The following TENM2 variants were observed in gnomAD, a reference collection of about 807,000 sequenced individuals.
TENM2 encodes the protein teneurin transmembrane protein 2.
Under a neutral mutation model 245.2 loss-of-function variants are expected in TENM2, and 52 were observed. The observed-to-expected ratio is 0.21, with a 90% CI of 0.17 to 0.27. The LOEUF (loss-of-function observed/expected upper bound fraction) is 0.27. Ranked by LOEUF, TENM2 falls within the 10% of genes least tolerant of loss-of-function variation. The probability of loss-of-function intolerance (pLI) is 1.00; values close to 1 mark genes in which losing one functional copy is unlikely to be tolerated. For synonymous variants in TENM2, 1,363 were observed against 1,438.9 expected (o/e 0.95, Z 1.19); for missense variants, 3,046 against 3,666.8 (o/e 0.83, Z 4.37).
chr5:168,140,053 C>T (rs1755402394), intron 12 of TENM2, among the ~76,000 whole-genome samples: 1 of 152,230 alleles, frequency 6.6e-6, no homozygotes, highest in Non-Finnish European at 1.5e-5. Flanking sequence ...GAGGAAGCAT[C>T]ATTTGCCTGG....
intron 8 of TENM2, among the ~76,000 whole-genome samples, chr5:168,092,266 A>T (rs944376010): frequency 1.3e-5 from 2 of 152,216 alleles, no homozygotes; most frequent in South Asian, 2.1e-4. Context: ...CTGCTAAGCA[A>T]AGACTGACCC....
At chr5:167,441,795 A>C (rs74608295) in intron 2 of TENM2, among the ~76,000 whole-genome samples, 14 of 152,296 alleles carry the variant, frequency 9.2e-5, no homozygotes, top group Non-Finnish European at 1.6e-4. Flanking sequence ...AAATGAGTTT[A>C]TGTGCTTCTC....
the TENM2 span, among the ~76,000 whole-genome samples, chr5:167,064,488 A>C: frequency 6.6e-6 from 1 of 152,206 alleles, no homozygotes; most frequent in African/African-American, 2.4e-5. Flanking sequence ...ATCTTTACTT[A>C]AAAATGGAGT....
the TENM2 span, among the ~76,000 whole-genome samples, chr5:166,987,455 A>G: frequency 6.7e-6 from 1 of 149,210 alleles, no homozygotes; most frequent in African/African-American, 2.5e-5. Context: ...GTGTGTGTTT[A>G]GAACTCCAAA....
intron 2 of TENM2, among the ~76,000 whole-genome samples, chr5:167,417,239 T>C (rs1469185838): frequency 6.6e-6 from 1 of 152,130 alleles, no homozygotes; most frequent in Non-Finnish European, 1.5e-5. Flanking sequence ...TATTTTTGAC[T>C]CTCCTCCTTC....
At chr5:167,879,532 C>G (rs1019987295) in intron 3 of TENM2, among the ~76,000 whole-genome samples, 14 of 152,094 alleles carry the variant, frequency 9.2e-5, no homozygotes, top group Non-Finnish European at 2.1e-4. Flanking sequence ...AATGGAGGCC[C>G]CTGCAGATGG....
the TENM2 span, among the ~76,000 whole-genome samples, chr5:167,220,652 T>A: frequency 6.6e-6 from 1 of 152,138 alleles, no homozygotes; most frequent in South Asian, 2.1e-4. Context: ...AGGACTGTAT[T>A]CAAATCTCAG....
intron 2 of TENM2, among the ~76,000 whole-genome samples, chr5:167,848,909 G>GT (rs1770303180): frequency 6.6e-6 from 1 of 151,952 alleles, no homozygotes; most frequent in Non-Finnish European, 1.5e-5. Context: ...TTTTTTGTTT[G>GT]CTTTTTGTTT....
rs894144689 is a variant in TENM2, at chr5:167,919,636, G to A, written c.713-32952G>A. Reference sequence around the variant, plus strand: ...AGAGGAAAAATGCTTTCTGAGAGCAGCGTTGATCTGAAACTTAAGGGGGAT... The same window carrying A: ...AGAGGAAAAATGCTTTCTGAGAGCAACGTTGATCTGAAACTTAAGGGGGAT... On this transcript the variant is annotated intron_variant, in intron 3 of 28. Transcript: ENST00000518659. Among the ~76,000 whole-genome samples the A allele has an allele frequency of 1.3e-4, 20 of 152,332 alleles. 1 individual carries two copies. Among genetic ancestry groups the A allele is most frequent in the African/African-American group, 4.6e-4 (19 of 41,590 alleles).
intron 5 of TENM2, among the ~76,000 whole-genome samples, chr5:168,024,021 G>A (rs1458398677): frequency 6.6e-6 from 1 of 152,126 alleles, no homozygotes; most frequent in Admixed American, 6.5e-5. Flanking sequence ...ACATACATAT[G>A]CATTTATAGA....
intron 9 of TENM2, among the ~76,000 whole-genome samples, chr5:168,100,835 GA>G (rs1299471578): frequency 6.6e-6 from 1 of 151,280 alleles, no homozygotes; most frequent in Admixed American, 6.6e-5. Flanking sequence ...CAAACCAGAT[GA>G]CAGGTTGATG....
At chr5:167,507,355 G>T (rs1025137483) in intron 2 of TENM2, among the ~76,000 whole-genome samples, 15 of 152,106 alleles carry the variant, frequency 9.9e-5, no homozygotes, top group African/African-American at 3.4e-4. Flanking sequence ...CTCGTTCTTG[G>T]ATAGTGTTTT....
At chr5:167,624,809 G>C (rs1323761903) in intron 2 of TENM2, among the ~76,000 whole-genome samples, 3 of 152,192 alleles carry the variant, frequency 2.0e-5, no homozygotes, top group Non-Finnish European at 4.4e-5. Flanking sequence ...AACAAGAAGA[G>C]TTGTTGGGAA....
the TENM2 span, among the ~76,000 whole-genome samples, chr5:167,038,891 G>A: frequency 2.0e-5 from 3 of 152,104 alleles, no homozygotes; most frequent in Non-Finnish European, 4.4e-5. Flanking sequence ...TTTTGGAAAT[G>A]AAGCCCAAAT....
intron 2 of TENM2, among the ~76,000 whole-genome samples, chr5:167,506,489 A>G (rs1399737222): frequency 6.6e-6 from 1 of 152,212 alleles, no homozygotes; most frequent in African/African-American, 2.4e-5. Context: ...AGAAAAGGAA[A>G]ATAATTTGGT....
the TENM2 span, among the ~76,000 whole-genome samples, chr5:167,096,441 C>T: frequency 6.6e-6 from 1 of 152,158 alleles, no homozygotes; most frequent in East Asian, 1.9e-4. Flanking sequence ...TTTACGGTGG[C>T]CCCGATGAGT....
At chr5:167,014,900 A>G in the TENM2 span, among the ~76,000 whole-genome samples, 9 of 152,182 alleles carry the variant, frequency 5.9e-5, no homozygotes, top group Non-Finnish European at 2.9e-5. Flanking sequence ...GTCTCTACCT[A>G]AATTAATCCC....
At chr5:167,716,059 C>T (rs1026100055) in intron 2 of TENM2, among the ~76,000 whole-genome samples, 3 of 152,164 alleles carry the variant, frequency 2.0e-5, no homozygotes, top group Admixed American at 1.3e-4. Flanking sequence ...GACCCACAGG[C>T]GTCTGCCAGT....
intron 6 of TENM2, among the ~76,000 whole-genome samples, chr5:168,050,551 G>A (rs1288638029): frequency 2.0e-5 from 3 of 152,142 alleles, no homozygotes; most frequent in Admixed American, 2.0e-4. Flanking sequence ...TTGCCAAGGA[G>A]GATAATCTCA....
Sources: allele counts gnomAD v4.1 joint callset (sites outside exome capture counted in the v4.1 genomes callset), GRCh38; gene constraint gnomAD v4.1.1; transcripts MANE v1.5; gene names NCBI Gene and HGNC (gene_info 2026-07-23, HGNC 2026-07-21).